Variants in GSDME observed in about 807,000 individuals in gnomAD.
GSDME encodes the protein gasdermin-E.
In GSDME, 44 loss-of-function variants were observed where a neutral mutation model predicts 47.5. That is an observed-to-expected ratio of 0.93 (90% CI 0.73 to 1.19). GSDME has a LOEUF of 1.19. Ranked by LOEUF, GSDME falls within the 50% of genes most tolerant of loss-of-function variation. GSDME has a pLI of 0.00. For synonymous variants in GSDME, 258 were observed against 252.8 expected (o/e 1.02, Z -0.20); for missense variants, 663 against 604.2 (o/e 1.10, Z -1.02).
At chr7:24,775,074 C>T in the GSDME span, among the ~76,000 whole-genome samples, 1 of 152,190 alleles carries the variant, frequency 6.6e-6, no homozygotes, top group East Asian at 1.9e-4. Flanking sequence ...TGTCATATTT[C>T]ACCCGCAGTG....
intron 9 of GSDME, among the ~76,000 whole-genome samples, chr7:24,699,807 CCAG>C (rs1788789667): frequency 6.6e-6 from 1 of 152,172 alleles, no homozygotes; most frequent in Admixed American, 6.5e-5. Context: ...CCCATTAACT[CCAG>C]TACATTAGAA....
upstream of GSDME, among the ~76,000 whole-genome samples, chr7:24,759,891 GCTT>G (rs1317113103): frequency 6.6e-6 from 1 of 152,104 alleles, no homozygotes; most frequent in Non-Finnish European, 1.5e-5. Flanking sequence ...AAATAATTGT[GCTT>G]ATTATTATTG....
chr7:24,718,991 A>G (rs1584070255), intron 4 of GSDME, 56 bp downstream of exon 4: 5 of 1,602,204 alleles, frequency 3.1e-6, no homozygotes, highest in East Asian at 4.5e-5. Flanking sequence ...GAGGCCCCCA[A>G]CCAAGGTCTC....
At chr7:24,787,148 A>G in the GSDME span, among the ~76,000 whole-genome samples, 4 of 152,090 alleles carry the variant, frequency 2.6e-5, no homozygotes, top group Non-Finnish European at 4.4e-5. The surrounding 1 kb of genome is among the most constrained non-coding windows in gnomAD (Gnocchi z 5.0). Flanking sequence ...ACACATCAAA[A>G]ATTTCATTGT....
intron 2 of GSDME, among the ~76,000 whole-genome samples, chr7:24,746,535 C>T (rs564511790): frequency 6.6e-6 from 1 of 152,316 alleles, no homozygotes; most frequent in East Asian, 1.9e-4. Context: ...ATATCATTTT[C>T]TAATAAACAG....
At chr7:24,794,555 A>C in the GSDME span, among the ~76,000 whole-genome samples, 1 of 152,140 alleles carries the variant, frequency 6.6e-6, no homozygotes, top group African/African-American at 2.4e-5. Flanking sequence ...CTGATTTACC[A>C]GTTACTTTGT....
intron 9 of GSDME, 94 bp downstream of exon 9, chr7:24,702,666 G>T: frequency 1.0e-6 from 1 of 986,682 alleles, no homozygotes; most frequent in Non-Finnish European, 1.6e-6. Context: ...GTTGTGGTAA[G>T]TCCTAGAGGT....
intron 8 of GSDME, chr7:24,703,687 C>CAGAG (rs1465552251): frequency 6.6e-6 from 1 of 152,646 alleles, no homozygotes; most frequent in Non-Finnish European, 1.5e-5. Context: ...AGGTGTGACC[C>CAGAG]AGAGAGTACA....
chr7:24,751,973 T>C (rs368733596), intron 1 of GSDME, among the ~76,000 whole-genome samples: 4 of 152,192 alleles, frequency 2.6e-5, no homozygotes, highest in Admixed American at 2.6e-4. Context: ...CTAAATCTCA[T>C]TGGAGAGAGG....
intron 7 of GSDME, chr7:24,707,137 G>A: frequency 2.8e-6 from 1 of 361,958 alleles, no homozygotes; most frequent in Non-Finnish European, 5.4e-6. Flanking sequence ...TTCCATCACT[G>A]ATACCCAGGC....
intron 5 of GSDME, among the ~76,000 whole-genome samples, chr7:24,711,796 T>C (rs996873338): frequency 2.5e-5 from 3 of 118,848 alleles, no homozygotes; most frequent in Non-Finnish European, 4.9e-5. Flanking sequence ...GCCTGGGCAA[T>C]AGAGCAAGAC....
Position 24,699,259 on chromosome 7 carries a change from G to C in GSDME, c.1258C>G (p.Leu420Val). ...LQIIPTLCHL[L>V]RALSDDGVSD... ...ACTCCATCATCAGACAGAGCACGAA[G>C]CTGAAATGACACATTTAAACAAATT... Residue 420 changes from leucine to valine, a missense_variant and splice_region_variant, in exon 10 of 10, where the codon CTT (leucine) becomes GTT (valine). Coordinates refer to ENST00000645220, the MANE Select transcript of GSDME (RefSeq NM_001127453.2). The C allele has an allele frequency of 6.2e-7, 1 of 1,601,342 alleles. No homozygotes were observed.
intron 1 of GSDME, among the ~76,000 whole-genome samples, chr7:24,751,912 T>C (rs1248209627): frequency 6.6e-6 from 1 of 152,206 alleles, no homozygotes; most frequent in Non-Finnish European, 1.5e-5. Context: ...CTTAGTTTTA[T>C]GTTAGCTACT....
chr7:24,708,104 C>A (rs1213247319), intron 7 of GSDME, 23 bp downstream of exon 7: 2 of 1,613,992 alleles, frequency 1.2e-6, no homozygotes, highest in Non-Finnish European at 1.7e-6. Flanking sequence ...GAAAACACTG[C>A]CTTGAGATGT....
At chr7:24,749,062 A>G (rs567650555) in intron 2 of GSDME, among the ~76,000 whole-genome samples, 1 of 152,292 alleles carries the variant, frequency 6.6e-6, no homozygotes, top group African/African-American at 2.4e-5. Flanking sequence ...CCGCAAAATT[A>G]TTTTTAAAAG....
the GSDME span, among the ~76,000 whole-genome samples, chr7:24,769,634 C>A: frequency 6.6e-6 from 1 of 152,170 alleles, no homozygotes; most frequent in Non-Finnish European, 1.5e-5. Context: ...ACGCCTCCCC[C>A]AGCCCTATAC....
intron 8 of GSDME, 140 bp from the exon 9 acceptor site, chr7:24,702,973 A>C (rs1379979316): frequency 7.5e-6 from 5 of 669,326 alleles, no homozygotes; most frequent in Non-Finnish European, 1.3e-5. Flanking sequence ...TTGCTGAGTT[A>C]GTGAATGAAT....
rs1562689189 is a variant in GSDME at position 24,708,094 on chromosome 7, G to GA, written c.990+32dup. The GA allele has an allele frequency of 2.5e-6, 4 of 1,612,720 alleles. No homozygotes were observed. The South Asian group carries it at 4.4e-5, about 18-fold the overall frequency. ...CTCCCCTGTTCCAGAAAACCCCAGT[G>GA]AAAACACTGCCTTGAGATGTCTCAG... On this transcript the variant is annotated intron_variant, in intron 7 of 9. Coordinates refer to ENST00000645220, the MANE Select transcript of GSDME (RefSeq NM_001127453.2).
At position 24,698,601 on chromosome 7, in the gene GSDME, C is replaced by T. The variant is rs1337994770; in HGVS notation, c.*425G>A. 7.5e-6 allele frequency: 2 copies of T among 266,124 alleles called. No individual in the cohort carries two copies. The highest frequency in any genetic ancestry group is 4.5e-5 in the South Asian group (1 of 22,056). 16.5% of individuals were successfully genotyped at this position (266,124 alleles called of 1,614,324 possible). On this transcript the variant is annotated 3_prime_UTR_variant, in exon 10 of 10. Coordinates refer to ENST00000645220, the MANE Select transcript of GSDME (RefSeq NM_001127453.2). ...CAAATAACATACATCACTTCCAAAA[C>T]GTAGCCTCTTGTGTGCAGAGAAATT...
Sources: gnomAD v4.1 joint callset for allele counts (sites outside exome capture counted in the v4.1 genomes callset) on GRCh38, gnomAD v4.1.1 for gene constraint, Gnocchi (gnomAD v3.1) non-coding constraint, MANE v1.5 for transcripts, NCBI Gene and HGNC (gene_info 2026-07-23, HGNC 2026-07-21) for gene names.